TMEM161B: variants seen among roughly 807,000 people sequenced by gnomAD.
TMEM161B encodes transmembrane protein 161B.
Under a neutral mutation model 61.8 loss-of-function variants are expected in TMEM161B, and 34 were observed. The observed-to-expected ratio is 0.55, with a 90% CI of 0.42 to 0.73. TMEM161B has a LOEUF of 0.73. Among genes scored for constraint, TMEM161B ranks in the 30% least tolerant of loss-of-function variants. The pLI is 0.00. For missense variants in TMEM161B, 456 were observed against 558.5 expected, an observed-to-expected ratio of 0.82 and a Z score of 1.85; for synonymous variants, 167 against 192.8, an observed-to-expected ratio of 0.87 and a Z score of 1.11.
At chr5:88,263,366 T>C (rs1345628220) in intron 1 of TMEM161B, among the ~76,000 whole-genome samples, 2 of 152,186 alleles carry the variant, frequency 1.3e-5, no homozygotes, top group African/African-American at 4.8e-5. Context: ...TTTAAGCAGT[T>C]ATATCCCTGT....
chr5:88,235,775 A>G (rs1751750474), intron 2 of TMEM161B, among the ~76,000 whole-genome samples: 3 of 152,180 alleles, frequency 2.0e-5, no homozygotes, highest in African/African-American at 7.2e-5. Flanking sequence ...TTCTAAATCT[A>G]TAATTTTGAC....
intron 2 of TMEM161B, among the ~76,000 whole-genome samples, chr5:88,240,442 G>A (rs905612644): frequency 6.6e-5 from 10 of 151,468 alleles, no homozygotes; most frequent in African/African-American, 1.7e-4. Context: ...CCCACAGACC[G>A]AAAAAGAAAG....
At chr5:88,265,464 C>T (rs900223328) in intron 1 of TMEM161B, among the ~76,000 whole-genome samples, 1 of 152,146 alleles carries the variant, frequency 6.6e-6, no homozygotes, top group African/African-American at 2.4e-5. Context: ...GGTTTGCGCT[C>T]CTATGAGAAT....
At chr5:88,218,456 T>C (rs1748318426) in intron 5 of TMEM161B, among the ~76,000 whole-genome samples, 1 of 151,788 alleles carries the variant, frequency 6.6e-6, no homozygotes, top group Admixed American at 6.6e-5. Flanking sequence ...TAAAAAAAGA[T>C]GGTAACGATA....
At chr5:88,257,976 A>C (rs1439652301) in intron 1 of TMEM161B, among the ~76,000 whole-genome samples, 1 of 152,192 alleles carries the variant, frequency 6.6e-6, no homozygotes, top group Non-Finnish European at 1.5e-5. Flanking sequence ...TTTTCTTTAT[A>C]ACCTGAACAT....
chr5:88,198,936 T>G, intron 10 of TMEM161B, 40 bp downstream of exon 10: 1 of 1,550,108 alleles, frequency 6.5e-7, no homozygotes, highest in Non-Finnish European at 8.7e-7. Flanking sequence ...TACAGTGCGG[T>G]TTTTGCTATT....
At chr5:88,216,962 G>A (rs1747970738) in intron 5 of TMEM161B, among the ~76,000 whole-genome samples, 1 of 152,218 alleles carries the variant, frequency 6.6e-6, no homozygotes, top group Non-Finnish European at 1.5e-5. Flanking sequence ...TCTGCAAGGG[G>A]AGGAAGTCAG....
At chr5:88,230,042 A>T (rs1003174118) in intron 2 of TMEM161B, among the ~76,000 whole-genome samples, 1 of 151,940 alleles carries the variant, frequency 6.6e-6, no homozygotes, top group Non-Finnish European at 1.5e-5. Flanking sequence ...AAATTAAAAA[A>T]CTAGCCAGGT....
downstream of TMEM161B, among the ~76,000 whole-genome samples, chr5:88,192,406 A>G (rs1306584807): frequency 1.3e-5 from 2 of 152,158 alleles, no homozygotes; most frequent in Admixed American, 6.5e-5. Context: ...TTAGGAACAA[A>G]ACAAAAATAT....
At chr5:88,238,105 T>C (rs1312331912) in intron 2 of TMEM161B, among the ~76,000 whole-genome samples, 4 of 152,142 alleles carry the variant, frequency 2.6e-5, no homozygotes, top group Non-Finnish European at 5.9e-5. Flanking sequence ...TTAAATAATC[T>C]CTAGGTTTCT....
intron 9 of TMEM161B, chr5:88,200,313 T>C (rs1426287474): frequency 6.6e-6 from 1 of 152,024 alleles, no homozygotes. Context: ...GCATAACATT[T>C]TATCAACATG....
At chr5:88,250,978 A>G (rs987753671) in intron 1 of TMEM161B, 1 of 152,210 alleles carries the variant, frequency 6.6e-6, no homozygotes, top group African/African-American at 2.4e-5. Context: ...AAGGCCAACT[A>G]CATGGAAGAA....
intron 6 of TMEM161B, among the ~76,000 whole-genome samples, 167 bp from the exon 7 acceptor site, chr5:88,206,666 G>C (rs887460488): frequency 6.6e-6 from 1 of 151,864 alleles, no homozygotes; most frequent in Non-Finnish European, 1.5e-5. Context: ...ATAAAATTTG[G>C]TTATTAGCAG....
At chr5:88,205,739 A>T in intron 8 of TMEM161B, 75 bp downstream of exon 8, 4 of 1,504,664 alleles carry the variant, frequency 2.7e-6, no homozygotes, top group Non-Finnish European at 3.6e-6. Flanking sequence ...TTATGATTAC[A>T]TTACAATATT....
At chr5:88,259,679 G>C (rs1755448265) in intron 1 of TMEM161B, among the ~76,000 whole-genome samples, 1 of 152,320 alleles carries the variant, frequency 6.6e-6, no homozygotes, top group South Asian at 2.1e-4. Flanking sequence ...AGTGGCAGAT[G>C]TGTTTGACAC....
chr5:88,197,781 T>G lies in TMEM161B; in HGVS notation c.1090-16A>C. On this transcript the variant is annotated splice_polypyrimidine_tract_variant and intron_variant, in intron 10 of 11. Coordinates refer to ENST00000296595, the MANE Select transcript of TMEM161B (RefSeq NM_153354.5). ...CTCGAGCCACCTGCAACCAACAACA[T>G]TCTTAAGTGTCTAATGCAACTGACA... The G allele has an allele frequency of 6.2e-7, 1 of 1,604,986 alleles. No homozygotes were observed. The highest frequency in any genetic ancestry group is 8.5e-7 in the Non-Finnish European group (1 of 1,173,840).
chr5:88,242,852 G>GA (rs1393046056), intron 1 of TMEM161B, among the ~76,000 whole-genome samples: 3 of 150,860 alleles, frequency 2.0e-5, no homozygotes, highest in African/African-American at 7.3e-5. Context: ...AAAACAAGTT[G>GA]AAAAAAATAA....
intron 5 of TMEM161B, among the ~76,000 whole-genome samples, chr5:88,208,211 T>C (rs1580392773): frequency 6.6e-6 from 1 of 151,846 alleles, no homozygotes; most frequent in African/African-American, 2.4e-5. Context: ...TTGCCGGGCG[T>C]GGTGGCTCAC....
At chr5:88,198,003 T>C in intron 10 of TMEM161B, 1 of 341,382 alleles carries the variant, frequency 2.9e-6, no homozygotes, top group Admixed American at 4.6e-5. Flanking sequence ...AAAATAATTC[T>C]TAAATGATGT....
Sources: allele counts gnomAD v4.1 joint callset (sites outside exome capture counted in the v4.1 genomes callset), GRCh38; gene constraint gnomAD v4.1.1; transcripts MANE v1.5; gene names NCBI Gene and HGNC (gene_info 2026-07-23, HGNC 2026-07-21).